Variants in CCDC178 observed in about 807,000 individuals in gnomAD.
The protein encoded by CCDC178 is coiled-coil domain-containing protein 178.
Under a neutral mutation model 117.4 loss-of-function variants are expected in CCDC178, and 126 were observed. That is an observed-to-expected ratio of 1.07 (90% CI 0.93 to 1.24). CCDC178 has a LOEUF of 1.24. Among genes scored for constraint, CCDC178 ranks in the 50% most tolerant of loss-of-function variants. CCDC178 has a pLI of 0.00. For synonymous variants in CCDC178, 283 were observed against 313.4 expected, an observed-to-expected ratio of 0.90 and a Z score of 1.02; for missense variants, 1,030 against 986.9, an observed-to-expected ratio of 1.04 and a Z score of -0.59.
chr18:33,047,702 G>A (rs2056670072), intron 21 of CCDC178, among the ~76,000 whole-genome samples: 1 of 152,096 alleles, frequency 6.6e-6, no homozygotes, highest in Non-Finnish European at 1.5e-5. Flanking sequence ...CAAAGAACAT[G>A]GGACTCTAAA....
At position 32,937,973 on chromosome 18, in the gene CCDC178, T is replaced by C; in HGVS notation, c.*38A>G. 6.8e-7 allele frequency: 1 copy of C among 1,462,984 alleles called. No homozygotes were observed. The highest frequency in any genetic ancestry group is 9.6e-7 in the Non-Finnish European group (1 of 1,043,158). 90.6% of individuals were successfully genotyped at this position (1,462,984 alleles called of 1,614,324 possible). ...TATCTGAACTGTGTGACTTTTCTTG[T>C]CTTTTATTTCAGCATCCAAGATACA... On this transcript the variant is annotated 3_prime_UTR_variant, in exon 23 of 23. Coordinates refer to ENST00000383096, the MANE Select transcript of CCDC178 (RefSeq NM_001105528.4).
chr18:33,336,373 TC>T (rs1317256426), intron 9 of CCDC178, among the ~76,000 whole-genome samples: 1 of 152,072 alleles, frequency 6.6e-6, no homozygotes, highest in Non-Finnish European at 1.5e-5. Context: ...TTTCAAGGAT[TC>T]CCCCAGGGCT....
intron 9 of CCDC178, among the ~76,000 whole-genome samples, chr18:33,335,554 T>C (rs1727271483): frequency 6.6e-6 from 1 of 152,024 alleles, no homozygotes; most frequent in Non-Finnish European, 1.5e-5. Context: ...TTTCTCTCCT[T>C]GTCTTGCTGT....
chr18:33,310,308 C>T (rs544501646), intron 11 of CCDC178, among the ~76,000 whole-genome samples: 2 of 152,020 alleles, frequency 1.3e-5, no homozygotes, highest in Admixed American at 6.6e-5. Flanking sequence ...AAGGTCCACA[C>T]GTGTAGATGG....
At chr18:33,211,852 C>A in intron 20 of CCDC178, 44 bp downstream of exon 20, 4 of 1,508,858 alleles carry the variant, frequency 2.7e-6, no homozygotes, top group Non-Finnish European at 3.6e-6. Flanking sequence ...ATTTGACTAT[C>A]ACTATATTCC....
At chr18:33,035,491 T>A (rs1447986086) in intron 21 of CCDC178, among the ~76,000 whole-genome samples, 2 of 152,154 alleles carry the variant, frequency 1.3e-5, no homozygotes, top group African/African-American at 4.8e-5. Context: ...GAAAACATTA[T>A]GCTAAGTGAA....
At chr18:33,369,728 G>A (rs529174431) in intron 6 of CCDC178, among the ~76,000 whole-genome samples, 8 of 151,950 alleles carry the variant, frequency 5.3e-5, no homozygotes, top group African/African-American at 1.9e-4. Context: ...AATCAGTTTA[G>A]TGTCCCAAAA....
At chr18:33,252,335 T>C (rs183362315) in intron 14 of CCDC178, among the ~76,000 whole-genome samples, 4 of 151,844 alleles carry the variant, frequency 2.6e-5, no homozygotes, top group Admixed American at 2.0e-4. Context: ...ATAGAAAGTA[T>C]AATTTATTTT....
chr18:33,277,251 T>A (rs887470443), intron 12 of CCDC178, among the ~76,000 whole-genome samples: 1 of 152,114 alleles, frequency 6.6e-6, no homozygotes, highest in African/African-American at 2.4e-5. Flanking sequence ...AATTAGTAAA[T>A]TAGTGCAGTA....
At chr18:33,094,571 T>A (rs9949489) in intron 20 of CCDC178, among the ~76,000 whole-genome samples, 3,273 of 152,016 alleles carry the variant, frequency 0.022, 121 homozygotes, top group African/African-American at 0.074. Context: ...AGGTGGCTAC[T>A]ACAAACATTT....
chr18:33,076,950 T>A (rs1321548896), intron 21 of CCDC178, among the ~76,000 whole-genome samples: 1 of 152,196 alleles, frequency 6.6e-6, no homozygotes, highest in Non-Finnish European at 1.5e-5. Context: ...GGGAGTGGAT[T>A]TTAAAGTTCT....
chr18:33,383,841 C>T lies in CCDC178; in HGVS notation c.208+5699G>A, dbSNP rs146128752. 5.2e-4 allele frequency among the ~76,000 whole-genome samples: 79 copies of T among 152,172 alleles called. 2 individuals carry two copies. The East Asian group carries it at 0.014, about 27-fold the overall frequency. ...TCACAACACTTCTGCAGCAAGGGCA[C>T]AGAATGGGGCCGAAGCTGAGATGGA... On this transcript the variant is annotated intron_variant, in intron 5 of 22. Coordinates refer to ENST00000383096, the MANE Select transcript of CCDC178 (RefSeq NM_001105528.4).
At chr18:33,083,979 C>T (rs1323075008) in intron 21 of CCDC178, among the ~76,000 whole-genome samples, 1 of 152,202 alleles carries the variant, frequency 6.6e-6, no homozygotes, top group Non-Finnish European at 1.5e-5. Flanking sequence ...CAATTGCCCA[C>T]AAACATACAG....
intron 20 of CCDC178, among the ~76,000 whole-genome samples, chr18:33,136,761 C>T (rs2058132251): frequency 6.6e-6 from 1 of 152,100 alleles, no homozygotes; most frequent in South Asian, 2.1e-4. Flanking sequence ...TCTCAATAAT[C>T]TTGAAGACCT....
At chr18:33,419,200 TC>T (rs2063989562) in intron 2 of CCDC178, among the ~76,000 whole-genome samples, 1 of 152,140 alleles carries the variant, frequency 6.6e-6, no homozygotes, top group Non-Finnish European at 1.5e-5. Flanking sequence ...AAGGACACCC[TC>T]TTCAATAAAT....
intron 9 of CCDC178, among the ~76,000 whole-genome samples, chr18:33,337,333 A>G (rs2062754140): frequency 1.3e-5 from 2 of 152,002 alleles, no homozygotes; most frequent in Non-Finnish European, 2.9e-5. Flanking sequence ...TTCTATGTAT[A>G]CGCTCATGTC....
chr18:33,253,186 C>T (rs1278832368), intron 14 of CCDC178, among the ~76,000 whole-genome samples: 1 of 151,734 alleles, frequency 6.6e-6, no homozygotes, highest in Non-Finnish European at 1.5e-5. Context: ...ATCGTTGTCA[C>T]AAAAAGGTCT....
At chr18:33,288,021 A>T (rs1029072868) in intron 12 of CCDC178, among the ~76,000 whole-genome samples, 3 of 152,094 alleles carry the variant, frequency 2.0e-5, no homozygotes, top group Non-Finnish European at 4.4e-5. Flanking sequence ...TAATATTTTT[A>T]AAACTTTTAT....
chr18:33,366,888 A>G (rs112472777), intron 6 of CCDC178, among the ~76,000 whole-genome samples: 30 of 152,186 alleles, frequency 2.0e-4, no homozygotes, highest in African/African-American at 7.0e-4. Context: ...GTATATACAG[A>G]TACATTTACA....
Sources: gnomAD v4.1 joint callset for allele counts (sites outside exome capture counted in the v4.1 genomes callset) on GRCh38, gnomAD v4.1.1 for gene constraint, MANE v1.5 for transcripts, NCBI Gene and HGNC (gene_info 2026-07-23, HGNC 2026-07-21) for gene names.